The following TENM2 variants were observed in gnomAD, a reference collection of about 807,000 sequenced individuals.
The protein encoded by TENM2 is teneurin transmembrane protein 2.
Under a neutral mutation model 245.2 loss-of-function variants are expected in TENM2, and 52 were observed. The observed-to-expected ratio is 0.21, with a 90% CI of 0.17 to 0.27. The LOEUF is 0.27. TENM2 is among the 10% of genes least tolerant of loss of function. TENM2 has a pLI of 1.00. For missense variants in TENM2, 3,046 were observed against 3,666.8 expected, an observed-to-expected ratio of 0.83 and a Z score of 4.37; for synonymous variants, 1,363 against 1,438.9, an observed-to-expected ratio of 0.95 and a Z score of 1.19.
At chr5:168,137,744 TC>T (rs1755180164) in intron 12 of TENM2, among the ~76,000 whole-genome samples, 1 of 152,204 alleles carries the variant, frequency 6.6e-6, no homozygotes, top group African/African-American at 2.4e-5. Context: ...TTCCTATTAA[TC>T]CCAGCAAAGC....
the TENM2 span, among the ~76,000 whole-genome samples, chr5:167,110,823 A>G: frequency 6.6e-6 from 1 of 152,238 alleles, no homozygotes; most frequent in Non-Finnish European, 1.5e-5. Flanking sequence ...AGACATCTAC[A>G]TAATGGAAAA....
intron 24 of TENM2, among the ~76,000 whole-genome samples, chr5:168,226,976 C>CTGTT (rs1353848235): frequency 1.3e-5 from 2 of 152,220 alleles, no homozygotes; most frequent in East Asian, 3.8e-4. Flanking sequence ...ACAGCGGAGC[C>CTGTT]TGTTTCAATG....
At chr5:167,812,905 G>C (rs545683957) in intron 2 of TENM2, among the ~76,000 whole-genome samples, 1 of 152,164 alleles carries the variant, frequency 6.6e-6, no homozygotes, top group Non-Finnish European at 1.5e-5. Context: ...ACTGGTGACC[G>C]CATCCCTGGT....
At position 168,218,808 on chromosome 5, in the gene TENM2, T is replaced by C. The variant is rs536798981; in HGVS notation, c.4917T>C (p.Arg1639=). 1.2e-5 allele frequency: 19 copies of C among 1,613,974 alleles called. No homozygotes were observed. The East Asian group carries it at 3.3e-4, about 28-fold the overall frequency. ...ATAATGGGAATTCCCTGAAGATCCG[T>C]CGGGACAGCAGTGGCATGCCCCGTC... is the stretch of plus-strand genomic sequence containing the variant. The change falls in exon 23 of 29, where the codon CGT becomes CGC. Residue 1639 remains arginine, a synonymous_variant. Transcript: ENST00000518659. This position sits in a 1 kb window ranked among gnomAD's most constrained non-coding sequence, Gnocchi z 5.2.
At chr5:167,743,341 G>A (rs1761325596) in intron 2 of TENM2, among the ~76,000 whole-genome samples, 1 of 151,964 alleles carries the variant, frequency 6.6e-6, no homozygotes, top group Admixed American at 6.6e-5. Context: ...TAGAAGGAGG[G>A]GCAATGTGAG....
At chr5:167,564,884 AAAGC>A (rs2127648035) in intron 2 of TENM2, among the ~76,000 whole-genome samples, 1 of 152,366 alleles carries the variant, frequency 6.6e-6, no homozygotes, top group Admixed American at 6.5e-5. Flanking sequence ...CCTATTGGCC[AAAGC>A]AAGTCATGGC....
chr5:168,065,139 G>A (rs748881086), intron 7 of TENM2, among the ~76,000 whole-genome samples: 1 of 152,168 alleles, frequency 6.6e-6, no homozygotes, highest in Admixed American at 6.5e-5. Flanking sequence ...TGGGGTGGGG[G>A]TAGAATATGA....
chr5:167,233,960 G>GT, the TENM2 span, among the ~76,000 whole-genome samples: 1 of 152,024 alleles, frequency 6.6e-6, no homozygotes, highest in African/African-American at 2.4e-5. Context: ...GAACCTTATG[G>GT]TTTTTTTATG....
chr5:167,205,403 A>G, the TENM2 span, among the ~76,000 whole-genome samples: 5 of 152,250 alleles, frequency 3.3e-5, no homozygotes, highest in East Asian at 9.7e-4. Context: ...ATAATTAAAA[A>G]TATAAATAGT....
intron 2 of TENM2, among the ~76,000 whole-genome samples, chr5:167,474,882 A>C (rs1418193787): frequency 3.3e-5 from 5 of 152,238 alleles, no homozygotes; most frequent in Non-Finnish European, 7.3e-5. Flanking sequence ...CAGGACAAAG[A>C]ACAAAATCTG....
At chr5:167,426,999 G>A (rs1763865951) in intron 2 of TENM2, among the ~76,000 whole-genome samples, 1 of 152,126 alleles carries the variant, frequency 6.6e-6, no homozygotes. Flanking sequence ...GGCACTGTGA[G>A]CAACATGGCA....
intron 1 of TENM2, among the ~76,000 whole-genome samples, chr5:167,322,128 G>A (rs899462567): frequency 1.3e-5 from 2 of 151,908 alleles, no homozygotes; most frequent in Admixed American, 6.6e-5. Flanking sequence ...CACCGCACCC[G>A]GCTGCTGCAT....
chr5:167,087,941 T>G, the TENM2 span, among the ~76,000 whole-genome samples: 263 of 152,096 alleles, frequency 1.7e-3, no homozygotes, highest in African/African-American at 5.9e-3. Context: ...AGGCGTGCGC[T>G]ACCATGCCTG....
chr5:167,245,483 T>C, the TENM2 span, among the ~76,000 whole-genome samples: 1 of 151,100 alleles, frequency 6.6e-6, no homozygotes, highest in East Asian at 2.0e-4. Flanking sequence ...CAAATGTGCA[T>C]ATATGTTGAC....
intron 2 of TENM2, among the ~76,000 whole-genome samples, chr5:167,444,099 T>C (rs1470433959): frequency 1.3e-5 from 2 of 152,150 alleles, no homozygotes; most frequent in East Asian, 3.8e-4. Flanking sequence ...AGTAAGATAG[T>C]CTCCAGAGAT....
chr5:167,108,434 T>A, the TENM2 span, among the ~76,000 whole-genome samples: 1 of 152,136 alleles, frequency 6.6e-6, no homozygotes, highest in African/African-American at 2.4e-5. Flanking sequence ...CCACTGTGGG[T>A]ATTTTGAATG....
chr5:166,987,534 C>CT, the TENM2 span, among the ~76,000 whole-genome samples: 2 of 151,290 alleles, frequency 1.3e-5, no homozygotes, highest in African/African-American at 4.9e-5. Context: ...TTTCTGTACT[C>CT]TTTTTTTTTA....
the TENM2 span, among the ~76,000 whole-genome samples, chr5:167,166,990 T>C: frequency 1.8e-4 from 27 of 152,176 alleles, no homozygotes; most frequent in Non-Finnish European, 3.4e-4. Flanking sequence ...CAAATTCCTA[T>C]AATTGGCAAG....
chr5:167,697,650 T>C lies in TENM2; in HGVS notation c.503-178336T>C, dbSNP rs186431219. On this transcript the variant is annotated intron_variant, in intron 2 of 28. Coordinates refer to ENST00000518659, the Ensembl canonical transcript of TENM2. ...AGCGATTCTCCTGCCTCAGCCTCCC[T>C]ACTAGCTGGGATTACAGGCACCCGC... Among the ~76,000 whole-genome samples the C allele has an allele frequency of 5.8e-4, 89 of 152,182 alleles. No homozygotes were observed. In the Middle Eastern group the frequency reaches 0.01, roughly 17 times the overall value.
Sources: gnomAD v4.1 joint callset for allele counts (sites outside exome capture counted in the v4.1 genomes callset) on GRCh38, gnomAD v4.1.1 for gene constraint, Gnocchi (gnomAD v3.1) non-coding constraint, MANE v1.5 for transcripts, NCBI Gene and HGNC (gene_info 2026-07-23, HGNC 2026-07-21) for gene names.